KCND2: variants seen among roughly 807,000 people sequenced by gnomAD.
The protein encoded by KCND2 is potassium voltage-gated channel subfamily D member 2.
In KCND2, 16 loss-of-function variants were observed where a neutral mutation model predicts 54.4. That is an observed-to-expected ratio of 0.29 (90% CI 0.20 to 0.45). The LOEUF is 0.45. Ranked by LOEUF, KCND2 falls within the 20% of genes least tolerant of loss-of-function variation. The pLI is 1.00. For missense variants in KCND2, 486 were observed against 824.2 expected, an observed-to-expected ratio of 0.59 and a Z score of 5.02; for synonymous variants, 317 against 310.7, an observed-to-expected ratio of 1.02 and a Z score of -0.21.
intron 1 of KCND2, among the ~76,000 whole-genome samples, chr7:120,341,354 C>G (rs923991184): frequency 2.4e-4 from 37 of 152,216 alleles, no homozygotes; most frequent in African/African-American, 7.7e-4. Context: ...TCATTAAGAC[C>G]TGTGTGTTTC....
intron 1 of KCND2, among the ~76,000 whole-genome samples, chr7:120,610,404 G>A (rs1250420416): frequency 2.0e-5 from 3 of 152,190 alleles, no homozygotes; most frequent in South Asian, 4.1e-4. Flanking sequence ...TGTTTTCTGC[G>A]AGTGACTGAG....
In KCND2 at chr7:120,747,860, A is replaced by G. The variant is rs781252937; in HGVS notation, c.*2A>G. ...ATTGTCAGAGTTTCTGCTTTGTAAG[A>G]CAATTGGAATAAGGTCTAAGAGAAT... On this transcript the variant is annotated 3_prime_UTR_variant, in exon 6 of 6. Transcript: ENST00000331113. The G allele has an allele frequency of 1.3e-5, 21 of 1,608,654 alleles. No individual in the cohort carries two copies. The highest frequency in any genetic ancestry group is 1.8e-5 in the Non-Finnish European group (21 of 1,176,050).
At chr7:120,742,434 T>C in intron 3 of KCND2, 76 bp from the exon 4 acceptor site, 1 of 1,147,996 alleles carries the variant, frequency 8.7e-7, no homozygotes, top group Non-Finnish European at 1.3e-6. Flanking sequence ...CAGATCTCTC[T>C]GTGGAAATAT....
chr7:120,390,001 A>G (rs1193346900), intron 1 of KCND2, among the ~76,000 whole-genome samples: 1 of 151,906 alleles, frequency 6.6e-6, no homozygotes, highest in African/African-American at 2.4e-5. Flanking sequence ...TGGATAATGG[A>G]TAGAAATGAT....
rs116514352 is a variant in KCND2, at chr7:120,709,009, C to T, written c.1116-23894C>T. Among the ~76,000 whole-genome samples, 618 of 152,124 alleles carry T rather than the reference C, an allele frequency of 4.1e-3. 6 individuals carry two copies. The highest frequency in any genetic ancestry group is 0.014 in the African/African-American group (561 of 41,516). On this transcript the variant is annotated intron_variant, in intron 1 of 5. Coordinates refer to ENST00000331113, the MANE Select transcript of KCND2 (RefSeq NM_012281.3). ...CCATAAGTAAGTGGCAAAACATCAT[C>T]AAATCAAATTCTCTGTGTATTCAAA...
chr7:120,436,904 C>T (rs182775598), intron 1 of KCND2, among the ~76,000 whole-genome samples: 1 of 152,292 alleles, frequency 6.6e-6, no homozygotes, highest in African/African-American at 2.4e-5. Flanking sequence ...CCCAATTCAT[C>T]AAAGGTTTTA....
rs143827785 is a variant in KCND2, at chr7:120,700,294, G to A, written c.1116-32609G>A. Among the ~76,000 whole-genome samples the A allele has an allele frequency of 2.2e-4, 34 of 152,214 alleles. No homozygotes were observed. The East Asian group carries it at 4.4e-3, about 20-fold the overall frequency. On this transcript the variant is annotated intron_variant, in intron 1 of 5. Coordinates refer to ENST00000331113, the MANE Select transcript of KCND2 (RefSeq NM_012281.3). Reference sequence around the variant, plus strand: ...CTGAAAATAATGAGCCCGTATAAAGGGAGAAAATTCATATGGCTAATTCAT... The same window carrying A: ...CTGAAAATAATGAGCCCGTATAAAGAGAGAAAATTCATATGGCTAATTCAT...
chr7:120,397,696 A>G (rs933771156), intron 1 of KCND2, among the ~76,000 whole-genome samples: 3 of 151,890 alleles, frequency 2.0e-5, no homozygotes, highest in African/African-American at 7.2e-5. Flanking sequence ...TTTCTGTTAG[A>G]TGAATTTTGT....
chr7:120,548,553 A>G (rs1469752071), intron 1 of KCND2, among the ~76,000 whole-genome samples: 1 of 152,170 alleles, frequency 6.6e-6, no homozygotes, highest in African/African-American at 2.4e-5. Context: ...CTTCTCAATC[A>G]AACAAGGAAG....
At chr7:120,735,984 C>G (rs1227070623) in intron 2 of KCND2, among the ~76,000 whole-genome samples, 28 of 152,024 alleles carry the variant, frequency 1.8e-4, no homozygotes. Flanking sequence ...GTTTATTTAT[C>G]TGGGACTGGG....
rs905222366 is a variant in KCND2, at chr7:120,500,933, C to A, written c.1115+225186C>A. Among the ~76,000 whole-genome samples, 7 of 151,558 alleles carry A rather than the reference C, an allele frequency of 4.6e-5. 1 individual carries two copies. The highest frequency in any genetic ancestry group is 1.7e-4 in the African/African-American group (7 of 41,272). On this transcript the variant is annotated intron_variant, in intron 1 of 5. Transcript: ENST00000331113. Reference sequence around the variant, plus strand: ...ATTCACTTTCCATTCTATTGTACTACAAATAATGGTTAAATCCTATATTTG... The same window carrying A: ...ATTCACTTTCCATTCTATTGTACTAAAAATAATGGTTAAATCCTATATTTG...
intron 1 of KCND2, among the ~76,000 whole-genome samples, chr7:120,319,922 T>C (rs1175473044): frequency 1.3e-5 from 2 of 152,134 alleles, no homozygotes; most frequent in African/African-American, 4.8e-5. Context: ...TTCTTTAACA[T>C]GCAGAGTTTA....
chr7:120,497,765 A>G (rs1802871307), intron 1 of KCND2, among the ~76,000 whole-genome samples: 1 of 152,184 alleles, frequency 6.6e-6, no homozygotes, highest in African/African-American at 2.4e-5. Context: ...GACACACAGG[A>G]CATTTCTAAT....
intron 1 of KCND2, among the ~76,000 whole-genome samples, chr7:120,488,095 T>A (rs1006162476): frequency 4.0e-4 from 61 of 152,158 alleles, no homozygotes; most frequent in African/African-American, 1.4e-3. Flanking sequence ...CTTGGGGAGC[T>A]GAGGCAGGAC....
intron 1 of KCND2, among the ~76,000 whole-genome samples, chr7:120,546,283 G>A (rs1042707198): frequency 6.6e-6 from 1 of 151,966 alleles, no homozygotes; most frequent in Non-Finnish European, 1.5e-5. Flanking sequence ...TATATGGAGT[G>A]GCAACGTGGA....
chr7:120,417,193 T>G (rs1356961110), intron 1 of KCND2, among the ~76,000 whole-genome samples: 1 of 152,200 alleles, frequency 6.6e-6, no homozygotes, highest in Non-Finnish European at 1.5e-5. Flanking sequence ...CTGATAAATA[T>G]TTTAAAATAA....
chr7:120,559,243 A>G (rs971946986), intron 1 of KCND2, among the ~76,000 whole-genome samples: 8 of 152,190 alleles, frequency 5.3e-5, no homozygotes, highest in Non-Finnish European at 1.0e-4. Flanking sequence ...AATTTTTCAA[A>G]TGACTTTCAT....
At chr7:120,374,197 A>G (rs900615323) in intron 1 of KCND2, among the ~76,000 whole-genome samples, 16 of 151,768 alleles carry the variant, frequency 1.1e-4, no homozygotes, top group Non-Finnish European at 1.9e-4. Flanking sequence ...GATTAAATGT[A>G]ATTTTTGGTA....
At chr7:120,422,643 T>C (rs963245082) in intron 1 of KCND2, among the ~76,000 whole-genome samples, 13 of 152,208 alleles carry the variant, frequency 8.5e-5, no homozygotes, top group Admixed American at 2.0e-4. Context: ...TCACAGATGC[T>C]GTAAAACAGG....
Sources: gnomAD v4.1 joint callset for allele counts (sites outside exome capture counted in the v4.1 genomes callset) on GRCh38, gnomAD v4.1.1 for gene constraint, MANE v1.5 for transcripts, NCBI Gene and HGNC (gene_info 2026-07-23, HGNC 2026-07-21) for gene names.